The following CEP55 variants were observed in gnomAD, a reference collection of about 807,000 sequenced individuals.
CEP55 encodes centrosomal protein 55.
In CEP55, 57 loss-of-function variants were observed where a neutral mutation model predicts 63.2. The observed-to-expected ratio is 0.90, with a 90% CI of 0.73 to 1.13. CEP55 has a LOEUF of 1.13. CEP55 is among the 50% of genes most tolerant of loss of function. The pLI, the probability that CEP55 is intolerant of heterozygous loss-of-function variation, is 0.00. For synonymous variants in CEP55, 178 were observed against 191.6 expected (o/e 0.93, Z 0.59); for missense variants, 456 against 518.9 (o/e 0.88, Z 1.18).
At chr10:93,501,007 T>A (rs2134455555) in intron 2 of CEP55, among the ~76,000 whole-genome samples, 1 of 152,320 alleles carries the variant, frequency 6.6e-6, no homozygotes, top group South Asian at 2.1e-4. Context: ...TTTTTTACTG[T>A]GGGAGAGGAG....
intron 1 of CEP55, 147 bp from the exon 2 acceptor site, chr10:93,499,893 C>T: frequency 1.9e-6 from 1 of 534,438 alleles, no homozygotes; most frequent in Non-Finnish European, 3.2e-6. Context: ...GTTACAATAC[C>T]CCAGAAGCCT....
At chr10:93,526,184 C>T (rs1564770673) in intron 8 of CEP55, among the ~76,000 whole-genome samples, 2 of 152,188 alleles carry the variant, frequency 1.3e-5, no homozygotes, top group Admixed American at 6.5e-5. Context: ...TTGCAATCTA[C>T]TCAACCTACA....
At chr10:93,503,950 A>G (rs1476914279) in intron 3 of CEP55, among the ~76,000 whole-genome samples, 1 of 149,536 alleles carries the variant, frequency 6.7e-6, no homozygotes, top group Non-Finnish European at 1.5e-5. Flanking sequence ...ACTTCTCCAG[A>G]CCCCTGTTCT....
intron 2 of CEP55, among the ~76,000 whole-genome samples, chr10:93,501,583 C>T (rs2057635551): frequency 6.6e-6 from 1 of 151,850 alleles, no homozygotes; most frequent in African/African-American, 2.4e-5. Context: ...GCAGGAGAAT[C>T]GCATGAACCC....
In CEP55 at chr10:93,519,691, T is replaced by G. The variant is rs1447109485; in HGVS notation, c.1075T>G (p.Cys359Gly). The G allele has an allele frequency of 6.2e-7, 1 of 1,614,166 alleles. No individual in the cohort carries two copies. The highest frequency in any genetic ancestry group is 2.2e-5 in the East Asian group (1 of 44,880). ...VALLEQQMQA[C>G]TLDFENEKLD... Reference sequence around the variant, plus strand: ...TCTGGGCCTTTTCCAGATGCAGGCATGTACTTTAGACTTTGAAAATGAAAA... The same window carrying G: ...TCTGGGCCTTTTCCAGATGCAGGCAGGTACTTTAGACTTTGAAAATGAAAA... Residue 359 changes from cysteine (C) to glycine (G), a missense_variant, in exon 8 of 9, where the codon TGT (cysteine) becomes GGT (glycine). By Grantham distance (159) the Cys-to-Gly change is radical. Coordinates refer to ENST00000371485, the MANE Select transcript of CEP55 (RefSeq NM_018131.5).
At chr10:93,512,181 C>T (rs893011585) in intron 4 of CEP55, among the ~76,000 whole-genome samples, 3 of 124,614 alleles carry the variant, frequency 2.4e-5, no homozygotes, top group Non-Finnish European at 4.9e-5. Context: ...GAGCTGAAAT[C>T]ATGCCACTGT....
intron 3 of CEP55, among the ~76,000 whole-genome samples, chr10:93,505,862 T>G (rs111328906): frequency 3.4e-4 from 51 of 151,378 alleles, no homozygotes; most frequent in Admixed American, 4.6e-4. Flanking sequence ...TTTTTTTTTT[T>G]AGATAGAATC....
At chr10:93,506,864 G>T in intron 3 of CEP55, 124 bp from the exon 4 acceptor site, 1 of 738,322 alleles carries the variant, frequency 1.4e-6, no homozygotes, top group East Asian at 2.6e-5. Flanking sequence ...GTGAGCCACC[G>T]TGCCCAGCCT....
intron 4 of CEP55, among the ~76,000 whole-genome samples, chr10:93,510,970 A>G (rs1283828151): frequency 7.8e-6 from 1 of 128,462 alleles, no homozygotes; most frequent in Non-Finnish European, 1.6e-5. Flanking sequence ...ACAGAGTCTC[A>G]CTCTGTCGCC....
rs1350935392 is a variant in CEP55 at position 93,503,211 on chromosome 10, A to G, written c.282A>G (p.Arg94=). The G allele has an allele frequency of 2.5e-6, 4 of 1,614,042 alleles. No individual in the cohort carries two copies. The highest frequency in any genetic ancestry group is 3.3e-5 in the Admixed American group (2 of 60,016). The change falls in exon 3 of 9, where the codon AGA becomes AGG. Residue 94 remains arginine, a synonymous_variant. Transcript: ENST00000371485. ...GACTGAGAGACCAACTGAAGGCCAG[A>G]TATAGTACTACCACATTGCTTGAAC... ...IQRLRDQLKA[R]YSTTTLLEQL... is the part of the protein sequence containing the mutation.
intron 8 of CEP55, among the ~76,000 whole-genome samples, chr10:93,522,691 G>C (rs1474072731): frequency 1.3e-5 from 2 of 152,194 alleles, no homozygotes; most frequent in Non-Finnish European, 2.9e-5. Context: ...CAGAGAGAAA[G>C]GTCGGGTTAC....
intron 8 of CEP55, among the ~76,000 whole-genome samples, chr10:93,522,262 A>T (rs1041657739): frequency 1.3e-5 from 2 of 152,278 alleles, no homozygotes; most frequent in Non-Finnish European, 2.9e-5. Context: ...GGAGCTGAAA[A>T]TCACAGCACG....
chr10:93,501,803 C>G (rs1377167904), intron 2 of CEP55, among the ~76,000 whole-genome samples: 1 of 152,014 alleles, frequency 6.6e-6, no homozygotes, highest in African/African-American at 2.4e-5. Flanking sequence ...AATGCTTTTT[C>G]AAGCACTTAG....
intron 4 of CEP55, among the ~76,000 whole-genome samples, chr10:93,507,927 G>A (rs531895836): frequency 5.1e-4 from 78 of 152,368 alleles, no homozygotes; most frequent in Non-Finnish European, 1.0e-3. Flanking sequence ...GATTACGGGC[G>A]TGTGCCACTG....
intron 8 of CEP55, among the ~76,000 whole-genome samples, chr10:93,521,441 G>A (rs1589658386): frequency 6.6e-6 from 1 of 152,156 alleles, no homozygotes; most frequent in Non-Finnish European, 1.5e-5. Context: ...TAAACAAAGC[G>A]GCCGGGAAGC....
intron 8 of CEP55, among the ~76,000 whole-genome samples, chr10:93,527,249 T>A (rs1282891234): frequency 6.6e-6 from 1 of 152,208 alleles, no homozygotes; most frequent in Admixed American, 6.5e-5. Flanking sequence ...TTTCTGTGTA[T>A]AAGCTGTTTG....
chr10:93,514,395 A>G (rs2057782071), intron 4 of CEP55, among the ~76,000 whole-genome samples: 1 of 152,230 alleles, frequency 6.6e-6, no homozygotes. Flanking sequence ...ATAAAGGATG[A>G]AAGTTGGTAG....
intron 2 of CEP55, among the ~76,000 whole-genome samples, chr10:93,502,180 G>T (rs2057642593): frequency 6.6e-6 from 1 of 152,126 alleles, no homozygotes; most frequent in South Asian, 2.1e-4. Flanking sequence ...TATGCACTTA[G>T]AATTGAACAC....
chr10:93,517,832 T>C (rs2134485746), intron 6 of CEP55, among the ~76,000 whole-genome samples: 1 of 152,378 alleles, frequency 6.6e-6, no homozygotes, highest in Middle Eastern at 3.4e-3. Context: ...CTTTGCAGCC[T>C]GGCATCATGG....
Sources: gnomAD v4.1 joint callset for allele counts (sites outside exome capture counted in the v4.1 genomes callset) on GRCh38, gnomAD v4.1.1 for gene constraint, MANE v1.5 for transcripts, NCBI Gene and HGNC (gene_info 2026-07-23, HGNC 2026-07-21) for gene names.